Variants in MMRN2 observed in about 807,000 individuals in gnomAD.
MMRN2 encodes multimerin 2.
A neutral mutation model predicts 68.8 loss-of-function variants in MMRN2; 53 were observed. The observed-to-expected ratio is 0.77, with a 90% CI of 0.62 to 0.97. The LOEUF is 0.97. Among genes scored for constraint, MMRN2 ranks in the 50% least tolerant of loss-of-function variants. The probability of loss-of-function intolerance (pLI) is 0.00; values close to 1 mark genes in which losing one functional copy is unlikely to be tolerated. For synonymous variants in MMRN2, 564 were observed against 551.6 expected (o/e 1.02, Z -0.32); for missense variants, 1,266 against 1,259.5 (o/e 1.01, Z -0.08).
chr10:86,940,421 A>G (rs1316274582), intron 6 of MMRN2, among the ~76,000 whole-genome samples: 2 of 152,246 alleles, frequency 1.3e-5, no homozygotes, highest in Non-Finnish European at 2.9e-5. Flanking sequence ...GAAGCCTTGC[A>G]CCACGCACGA....
intron 1 of MMRN2, among the ~76,000 whole-genome samples, chr10:86,947,507 T>A (rs1489497471): frequency 6.6e-6 from 1 of 151,982 alleles, no homozygotes; most frequent in African/African-American, 2.4e-5. Context: ...TGGGCTGGGA[T>A]TACAGGTGCC....
intron 1 of MMRN2, chr10:86,948,747 A>C (rs1844105856): frequency 6.6e-6 from 1 of 152,184 alleles, no homozygotes; most frequent in African/African-American, 2.4e-5. Flanking sequence ...TGAGCTCAGG[A>C]GTTCGAGACC....
chr10:86,950,065 G>T (rs975680187), intron 1 of MMRN2, among the ~76,000 whole-genome samples: 13 of 151,580 alleles, frequency 8.6e-5, no homozygotes, highest in Admixed American at 7.9e-4. Context: ...AATAAAAAGA[G>T]GCCGGGTACG....
Position 86,942,565 on chromosome 10 carries a change from G to A in MMRN2, c.2219C>T (p.Thr740Ile), listed in dbSNP as rs1382218671. 3 of 1,612,752 alleles carry A rather than the reference G, an allele frequency of 1.9e-6. No homozygotes were observed. Among genetic ancestry groups the A allele is most frequent in the African/African-American group, 1.3e-5 (1 of 75,064 alleles). The change falls in exon 6 of 7, where the codon ACT becomes ATT. Residue 740 changes from threonine (T) to isoleucine (I), a missense_variant. Thr to Ile is a moderately conservative substitution (Grantham distance 89). Coordinates refer to ENST00000372027, the MANE Select transcript of MMRN2 (RefSeq NM_024756.3). ...CTGGTGCTGCTCCAAGCTGCGCTGA[G>A]TGGCGAAGAGTGCGTTGTGGAGGCC... ...LHGLHNALFA[T>I]QRSLEQHQRL...
Position 86,942,899 on chromosome 10 carries a change from G to A in MMRN2, c.1885C>T (p.Pro629Ser). 6.8e-7 allele frequency: 1 copy of A among 1,467,388 alleles called. No homozygotes were observed. Among genetic ancestry groups the A allele is most frequent in the Non-Finnish European group, 9.0e-7 (1 of 1,108,076 alleles). 90.9% of individuals were successfully genotyped at this position (1,467,388 alleles called of 1,614,324 possible). Residue 629 changes from proline to serine, a missense_variant, in exon 6 of 7, where the codon CCG becomes TCG. Transcript: ENST00000372027. The part of the protein sequence containing the change: ...LEEMSEQTPG[P>S]LPLSYEQIRV... ...ATCTGCTCGTAGCTCAGGGGCAGCGGTCCCGGCGTCTGCTCAGACATCTCC... is the reference window on the plus strand; with the variant it reads ...ATCTGCTCGTAGCTCAGGGGCAGCGATCCCGGCGTCTGCTCAGACATCTCC...
chr10:86,953,265 A>G (rs1234924646), intron 1 of MMRN2, among the ~76,000 whole-genome samples: 2 of 152,238 alleles, frequency 1.3e-5, no homozygotes, highest in African/African-American at 4.8e-5. Context: ...AAGAGATTAA[A>G]GCAAGACAGG....
At chr10:86,942,051 A>G (rs970465155) in intron 6 of MMRN2, among the ~76,000 whole-genome samples, 4 of 152,048 alleles carry the variant, frequency 2.6e-5, no homozygotes, top group Non-Finnish European at 5.9e-5. Context: ...AGGCGGCACT[A>G]TTGTGCCTGT....
chr10:86,942,332 C>A lies in MMRN2; in HGVS notation c.2452G>T (p.Ala818Ser), dbSNP rs1448476884. The change falls in exon 6 of 7, where the codon GCG (alanine) becomes TCG (serine). Residue 818 changes from alanine (A) to serine (S), a missense_variant. Coordinates refer to ENST00000372027, the MANE Select transcript of MMRN2 (RefSeq NM_024756.3). ...TGPVPGALGA[A>S]LWEAGSPVAF... is the part of the protein sequence containing the mutation. Reference sequence around the variant, plus strand: ...AGGAACTCACCTGCCTCCCAGAGCGCCGCGCCCAAGGCACCTGGCACAGGC... The same window carrying A: ...AGGAACTCACCTGCCTCCCAGAGCGACGCGCCCAAGGCACCTGGCACAGGC... 2 of 1,611,170 alleles carry A rather than the reference C, an allele frequency of 1.2e-6. No individual in the cohort carries two copies. The highest frequency in any genetic ancestry group is 1.7e-6 in the Non-Finnish European group (2 of 1,178,206).
At chr10:86,942,207 G>A (rs1843981191) in intron 6 of MMRN2, 110 bp downstream of exon 6, 7 of 1,313,526 alleles carry the variant, frequency 5.3e-6, no homozygotes, top group Admixed American at 5.2e-5. Context: ...TAGGGGTGAC[G>A]GATGGCCATC....
chr10:86,941,689 C>G (rs1172606641), intron 6 of MMRN2, among the ~76,000 whole-genome samples: 1 of 151,382 alleles, frequency 6.6e-6, no homozygotes, highest in African/African-American at 2.4e-5. Flanking sequence ...GTCCTAGCTA[C>G]TCTGGAGGCT....
chr10:86,937,395 G>A (rs1345987328), intron 6 of MMRN2, among the ~76,000 whole-genome samples: 6 of 151,910 alleles, frequency 3.9e-5, no homozygotes, highest in African/African-American at 1.5e-4. Flanking sequence ...TTTTTAGACA[G>A]GGACTCACTC....
intron 4 of MMRN2, 48 bp downstream of exon 4, chr10:86,945,140 A>T (rs760096662): frequency 6.5e-7 from 1 of 1,548,762 alleles, no homozygotes; most frequent in Non-Finnish European, 8.9e-7. Flanking sequence ...AGCTGGCTAC[A>T]TGGGCCCCAC....
intron 1 of MMRN2, among the ~76,000 whole-genome samples, chr10:86,948,050 G>T (rs925533172): frequency 6.6e-6 from 1 of 151,904 alleles, no homozygotes; most frequent in South Asian, 2.1e-4. Context: ...CCTGTGCAAC[G>T]TAGTGAGACC....
At position 86,943,106 on chromosome 10, in the gene MMRN2, CCGCCCG is replaced by C; in HGVS notation, c.1672_1677del (p.Arg558_Ala559del). The C allele has an allele frequency of 6.8e-7, 1 of 1,469,250 alleles. No homozygotes were observed. 91.0% of individuals were successfully genotyped at this position (1,469,250 alleles called of 1,614,324 possible). A position where few individuals can be genotyped will look rare whatever the true frequency, so the allele number is the denominator to read the frequency against. ...ACTTGGCTCCGGAGCCGCGACGTGG[CCGCCCG>C]CGCCCGCTCGCCCTCCGCTTTGTGC... On this transcript the variant is annotated inframe_deletion, in exon 6 of 7. Transcript: ENST00000372027. This position sits in a 1 kb window ranked among gnomAD's most constrained non-coding sequence, Gnocchi z 4.2.
intron 1 of MMRN2, among the ~76,000 whole-genome samples, chr10:86,947,989 T>G (rs1014494509): frequency 2.6e-5 from 4 of 152,106 alleles, no homozygotes; most frequent in African/African-American, 9.7e-5. Context: ...ACCCCAGCAC[T>G]TTGGGAGGCT....
At chr10:86,951,522 C>T (rs903939789) in intron 1 of MMRN2, among the ~76,000 whole-genome samples, 3 of 152,180 alleles carry the variant, frequency 2.0e-5, no homozygotes, top group African/African-American at 7.2e-5. Context: ...AACTCTGTCC[C>T]ATCTACTCAA....
chr10:86,940,808 G>A (rs753054414), intron 6 of MMRN2, among the ~76,000 whole-genome samples: 2 of 152,222 alleles, frequency 1.3e-5, no homozygotes, highest in African/African-American at 2.4e-5. Flanking sequence ...TGGGTGGGGA[G>A]AGGCCACAGC....
chr10:86,939,829 G>GTTTA (rs1448184418), intron 6 of MMRN2, among the ~76,000 whole-genome samples: 4 of 136,178 alleles, frequency 2.9e-5, no homozygotes, highest in African/African-American at 1.1e-4. Context: ...GTGTGTGTGT[G>GTTTA]TGTGTGTGTT....
chr10:86,942,435 C>T lies in MMRN2; in HGVS notation c.2349G>A (p.Lys783=). Residue 783 remains lysine (K), a synonymous_variant, in exon 6 of 7, where the codon AAG becomes AAA. Coordinates refer to ENST00000372027, the MANE Select transcript of MMRN2 (RefSeq NM_024756.3). The stretch of plus-strand genomic sequence containing the variant: ...GGGGAGCTTCCAGGTCTTTCTGCTG[C>T]TTCTTCCCTTTCCTGCTCAGCATGG... ...LQTMLSRKGK[K]QQKDLEAPRK... 6.2e-7 allele frequency: 1 copy of T among 1,614,216 alleles called. No homozygotes were observed. Among genetic ancestry groups the T allele is most frequent in the Non-Finnish European group, 8.5e-7 (1 of 1,180,034 alleles).
Sources: gnomAD v4.1 joint callset for allele counts (sites outside exome capture counted in the v4.1 genomes callset) on GRCh38, gnomAD v4.1.1 for gene constraint, Gnocchi (gnomAD v3.1) non-coding constraint, MANE v1.5 for transcripts, NCBI Gene and HGNC (gene_info 2026-07-23, HGNC 2026-07-21) for gene names.